DIAPH3: variants seen among roughly 807,000 people sequenced by gnomAD.
DIAPH3 encodes protein diaphanous homolog 3.
Under a neutral mutation model 144.3 loss-of-function variants are expected in DIAPH3, and 117 were observed. That is an observed-to-expected ratio of 0.81 (90% CI 0.70 to 0.95). The LOEUF (loss-of-function observed/expected upper bound fraction) is 0.95, where lower values mean the gene tolerates loss of function less well. DIAPH3 is among the 40% of genes least tolerant of loss of function. The probability of loss-of-function intolerance (pLI) is 0.00; values close to 1 mark genes in which losing one functional copy is unlikely to be tolerated. For missense variants in DIAPH3, 1,421 were observed against 1,412.7 expected (o/e 1.01, Z -0.09); for synonymous variants, 519 against 488.9 (o/e 1.06, Z -0.81).
At chr13:59,934,938 C>T (rs2048193431) in intron 17 of DIAPH3, among the ~76,000 whole-genome samples, 1 of 152,152 alleles carries the variant, frequency 6.6e-6, no homozygotes, top group African/African-American at 2.4e-5. Context: ...TTAGTGGAAA[C>T]TGAATAGGCC....
In DIAPH3 at chr13:59,705,080, A is replaced by T. The variant is rs575258891; in HGVS notation, c.3320-38234T>A. On this transcript the variant is annotated intron_variant, in intron 27 of 27. Coordinates refer to ENST00000400324, the MANE Select transcript of DIAPH3 (RefSeq NM_001042517.2). ...CCAGTCTGACAGCCAAGAAAACAGAATTTTTTTTACCATAATTTACTAGGC... is the reference window on the plus strand; with the variant it reads ...CCAGTCTGACAGCCAAGAAAACAGATTTTTTTTTACCATAATTTACTAGGC... Among the ~76,000 whole-genome samples the T allele has an allele frequency of 2.6e-5, 4 of 152,110 alleles. No individual in the cohort carries two copies. In the East Asian group the frequency reaches 7.7e-4, roughly 29 times the overall value.
At chr13:60,156,918 C>CATATATATATATATATAT (rs1233542016) in intron 1 of DIAPH3, among the ~76,000 whole-genome samples, 4 of 55,674 alleles carry the variant, frequency 7.2e-5, no homozygotes, top group Admixed American at 2.8e-4. Context: ...CCAGATCCTT[C>CATATATATATATATATAT]ATATATATAT....
chr13:60,138,239 A>G (rs2059340746), intron 1 of DIAPH3, among the ~76,000 whole-genome samples: 1 of 152,198 alleles, frequency 6.6e-6, no homozygotes, highest in Non-Finnish European at 1.5e-5. Context: ...TTATTCAGTA[A>G]GTCTAAGGTG....
chr13:59,906,729 T>A (rs1322169531), intron 20 of DIAPH3, among the ~76,000 whole-genome samples: 1 of 152,204 alleles, frequency 6.6e-6, no homozygotes, highest in African/African-American at 2.4e-5. Flanking sequence ...CTTAACAGAA[T>A]TAAATAACGT....
At chr13:59,836,888 A>G (rs2042069466) in intron 23 of DIAPH3, among the ~76,000 whole-genome samples, 1 of 151,974 alleles carries the variant, frequency 6.6e-6, no homozygotes, top group Non-Finnish European at 1.5e-5. Flanking sequence ...TGTGCATTTT[A>G]GCTTCCAAAT....
At chr13:60,030,407 G>C (rs1181452601) in intron 5 of DIAPH3, among the ~76,000 whole-genome samples, 2 of 151,938 alleles carry the variant, frequency 1.3e-5, no homozygotes, top group African/African-American at 4.8e-5. Context: ...AGAAATCCTT[G>C]CACCTCATCT....
chr13:59,699,011 A>G (rs912919225), intron 27 of DIAPH3, among the ~76,000 whole-genome samples: 2 of 152,238 alleles, frequency 1.3e-5, no homozygotes, highest in African/African-American at 4.8e-5. Context: ...CAGATACTGA[A>G]CTTCTAATAT....
intron 20 of DIAPH3, among the ~76,000 whole-genome samples, chr13:59,901,100 C>T (rs1274716060): frequency 1.3e-5 from 2 of 152,224 alleles, no homozygotes; most frequent in Non-Finnish European, 2.9e-5. Context: ...CAGTCACTGG[C>T]TTTAATTATA....
At chr13:60,136,666 C>T (rs571945179) in intron 1 of DIAPH3, among the ~76,000 whole-genome samples, 6 of 152,066 alleles carry the variant, frequency 3.9e-5, no homozygotes, top group African/African-American at 1.4e-4. Context: ...CCGGGCGCGG[C>T]GGCTCACGCC....
chr13:59,758,763 C>G (rs1292359967), intron 27 of DIAPH3, among the ~76,000 whole-genome samples: 1 of 150,266 alleles, frequency 6.7e-6, no homozygotes, highest in Non-Finnish European at 1.5e-5. Flanking sequence ...TTCACAGAGG[C>G]AAGAATTTTC....
chr13:59,681,165 T>C (rs1189272749), intron 27 of DIAPH3, among the ~76,000 whole-genome samples: 1 of 152,206 alleles, frequency 6.6e-6, no homozygotes, highest in Non-Finnish European at 1.5e-5. Context: ...TCACACATAC[T>C]TTGTTAAAAA....
chr13:59,669,569 C>T (rs756481564), intron 27 of DIAPH3, among the ~76,000 whole-genome samples: 2 of 152,162 alleles, frequency 1.3e-5, no homozygotes, highest in East Asian at 1.9e-4. Context: ...AGGTGAGTGA[C>T]GGATGTGACT....
chr13:60,128,460 G>A (rs531493643), intron 2 of DIAPH3, among the ~76,000 whole-genome samples: 28 of 152,122 alleles, frequency 1.8e-4, no homozygotes, highest in African/African-American at 6.0e-4. Flanking sequence ...CTCATTTTTT[G>A]AAAGTGTGTA....
intron 5 of DIAPH3, among the ~76,000 whole-genome samples, chr13:60,017,046 G>C (rs1443023658): frequency 1.4e-4 from 21 of 152,172 alleles, no homozygotes; most frequent in African/African-American, 5.1e-4. Context: ...TTATTTGTAT[G>C]CCTGTACTTA....
intron 20 of DIAPH3, among the ~76,000 whole-genome samples, chr13:59,884,669 T>G (rs2140088830): frequency 6.6e-6 from 1 of 152,180 alleles, no homozygotes; most frequent in South Asian, 2.1e-4. Flanking sequence ...TTTTTGAGCT[T>G]GATTTTTCTA....
rs2058118552 is a variant in DIAPH3 at position 60,096,879 on chromosome 13, C to T, written c.391-3147G>A. 2.0e-5 allele frequency among the ~76,000 whole-genome samples: 3 copies of T among 152,312 alleles called. No homozygotes were observed. The South Asian group carries it at 6.2e-4, about 32-fold the overall frequency. ...TGGTTTTGAAAACTTGGGGCCTTAA[C>T]TGAGCCACGCTGCTGACTTCCCTGG... On this transcript the variant is annotated intron_variant, in intron 3 of 27. Coordinates refer to ENST00000400324, the MANE Select transcript of DIAPH3 (RefSeq NM_001042517.2).
intron 20 of DIAPH3, among the ~76,000 whole-genome samples, chr13:59,891,237 C>T (rs922193021): frequency 6.6e-6 from 1 of 151,930 alleles, no homozygotes; most frequent in Admixed American, 6.6e-5. Flanking sequence ...TCACAAGAGA[C>T]CTTTTTGCTT....
Position 60,010,543 on chromosome 13 carries a change from C to G in DIAPH3, c.898G>C (p.Glu300Gln). 1.3e-6 allele frequency: 2 copies of G among 1,598,260 alleles called. No individual in the cohort carries two copies. Among genetic ancestry groups the G allele is most frequent in the South Asian group, 2.2e-5 (2 of 89,286 alleles). Residue 300 changes from glutamate (E) to glutamine (Q), a missense_variant, in exon 8 of 28, where the codon GAA becomes CAA. Physicochemically the swap from Glu to Gln is conservative, Grantham distance 29. Transcript: ENST00000400324. Reference sequence around the variant, plus strand: ...GTTGATAACACTTACATGCTTTCTTCCCCTACAATGCATACCGCAGAGAGA... The same window carrying G: ...GTTGATAACACTTACATGCTTTCTTGCCCTACAATGCATACCGCAGAGAGA... ...KLLSAVCIVGEESILEEVLEA... is the reference protein window; with the variant it reads ...KLLSAVCIVGQESILEEVLEA...
At chr13:59,775,663 C>T (rs1304725914) in intron 25 of DIAPH3, among the ~76,000 whole-genome samples, 1 of 152,104 alleles carries the variant, frequency 6.6e-6, no homozygotes, top group Non-Finnish European at 1.5e-5. Flanking sequence ...ATTGATTTTT[C>T]ATATCAGAAG....
Sources: allele counts gnomAD v4.1 joint callset (sites outside exome capture counted in the v4.1 genomes callset), GRCh38; gene constraint gnomAD v4.1.1; transcripts MANE v1.5; gene names NCBI Gene and HGNC (gene_info 2026-07-23, HGNC 2026-07-21).